Variants in EFR3A observed in about 807,000 individuals in gnomAD.
EFR3A encodes EFR3 homolog A.
Under a neutral mutation model 104.4 loss-of-function variants are expected in EFR3A, and 76 were observed. That is an observed-to-expected ratio of 0.73 (90% CI 0.60 to 0.88). EFR3A has a LOEUF of 0.88. Ranked by LOEUF, EFR3A falls within the 40% of genes least tolerant of loss-of-function variation. The pLI, the probability that EFR3A is intolerant of heterozygous loss-of-function variation, is 0.00. For synonymous variants in EFR3A, 330 were observed against 330.0 expected (o/e 1.00, Z 0.00); for missense variants, 985 against 1,012.5 (o/e 0.97, Z 0.37).
At position 132,011,720 on chromosome 8, in the gene EFR3A, C is replaced by G. The variant is rs533647809; in HGVS notation, c.*825C>G. 6.6e-6 allele frequency: 1 copy of G among 152,636 alleles called. No homozygotes were observed. The highest frequency in any genetic ancestry group is 2.4e-5 in the African/African-American group (1 of 41,398). 9.5% of individuals were successfully genotyped at this position (152,636 alleles called of 1,614,324 possible). A position where few individuals can be genotyped will look rare whatever the true frequency, so the allele number is the denominator to read the frequency against. The stretch of plus-strand genomic sequence containing the variant: ...AATTAAATGAGATATATATTTAGTG[C>G]AGAAAAAAGACATTTAAAACAGCTA... On this transcript the variant is annotated 3_prime_UTR_variant, in exon 23 of 23. Transcript: ENST00000254624.
At chr8:132,006,870 C>T (rs1321100018) in intron 22 of EFR3A, among the ~76,000 whole-genome samples, 1 of 151,896 alleles carries the variant, frequency 6.6e-6, no homozygotes, top group Non-Finnish European at 1.5e-5. Flanking sequence ...ATTGATCAGT[C>T]AGCAAAATTC....
At chr8:131,932,000 C>T (rs1443362187) in intron 1 of EFR3A, among the ~76,000 whole-genome samples, 5 of 152,052 alleles carry the variant, frequency 3.3e-5, no homozygotes, top group Admixed American at 6.6e-5. Context: ...GATAGCACCC[C>T]CCAGCCACTC....
chr8:131,978,754 T>C (rs1820442000), intron 12 of EFR3A, 93 bp from the exon 13 acceptor site: 5 of 1,004,086 alleles, frequency 5.0e-6, no homozygotes, highest in Non-Finnish European at 5.4e-6. Flanking sequence ...CATATTTTCT[T>C]TCCTAAGTTT....
intron 10 of EFR3A, among the ~76,000 whole-genome samples, chr8:131,971,191 A>T (rs1324638444): frequency 1.3e-5 from 2 of 152,162 alleles, no homozygotes; most frequent in African/African-American, 4.8e-5. Context: ...CAGTTTTATC[A>T]GTTGACCCAA....
chr8:131,986,283 TA>T, intron 17 of EFR3A, 22 bp downstream of exon 17: 1 of 1,332,448 alleles, frequency 7.5e-7, no homozygotes, highest in Non-Finnish European at 1.1e-6. Flanking sequence ...CTTTACATTT[TA>T]AGGATGGGGT....
intron 5 of EFR3A, 82 bp downstream of exon 5, chr8:131,950,172 G>C (rs1818630074): frequency 7.3e-7 from 1 of 1,376,762 alleles, no homozygotes; most frequent in Admixed American, 2.3e-5. Context: ...ATGATTACCA[G>C]AGGAAACAAT....
rs935208088 is a variant in EFR3A, at chr8:131,987,575, G to A, written c.1938G>A (p.Met646Ile). ...LPEHIFRDKC[M>I]LPKSLEKHEK... is the part of the protein sequence containing the mutation. The stretch of plus-strand genomic sequence containing the variant: ...ATTGTTGTTTTGATGAACTTCGCAG[G>A]CTTCCAAAATCTTTAGAGAAGCATG... Residue 646 changes from methionine to isoleucine, a missense_variant and splice_region_variant, in exon 18 of 23, where the codon ATG becomes ATA. By Grantham distance (10) the Met-to-Ile change is conservative. Coordinates refer to ENST00000254624, the MANE Select transcript of EFR3A (RefSeq NM_015137.6). 17 of 1,589,898 alleles carry A rather than the reference G, an allele frequency of 1.1e-5. No homozygotes were observed. Among genetic ancestry groups the A allele is most frequent in the Admixed American group, 1.8e-5 (1 of 55,786 alleles).
chr8:131,987,839 G>A (rs987169381), intron 18 of EFR3A, 137 bp downstream of exon 18: 1 of 885,794 alleles, frequency 1.1e-6, no homozygotes, highest in East Asian at 3.0e-5. Context: ...ATGCTTAAGA[G>A]TATTTACTTC....
At position 131,970,565 on chromosome 8, in the gene EFR3A, G is replaced by T; in HGVS notation, c.1081G>T (p.Val361Leu). The T allele has an allele frequency of 6.2e-7, 1 of 1,613,826 alleles. No homozygotes were observed. Residue 361 changes from valine (V) to leucine (L), a missense_variant, in exon 10 of 23, where the codon GTA becomes TTA. Coordinates refer to ENST00000254624, the MANE Select transcript of EFR3A (RefSeq NM_015137.6). ...AGCAAATGATTTACAGGGGGGATCTGTAGGCAGTGTCAACTTAAATACAAG... is the reference window on the plus strand; with the variant it reads ...AGCAAATGATTTACAGGGGGGATCTTTAGGCAGTGTCAACTTAAATACAAG... The part of the protein sequence containing the change: ...FEANDLQGGS[V>L]GSVNLNTSSK...
At chr8:131,923,694 C>T (rs761181534) in intron 1 of EFR3A, among the ~76,000 whole-genome samples, 8 of 151,936 alleles carry the variant, frequency 5.3e-5, no homozygotes, top group Middle Eastern at 3.2e-3. Flanking sequence ...TCAGAAGGAA[C>T]GTATCAAAAT....
intron 19 of EFR3A, among the ~76,000 whole-genome samples, chr8:131,998,002 C>G (rs1347797702): frequency 1.3e-5 from 2 of 151,914 alleles, no homozygotes; most frequent in Non-Finnish European, 2.9e-5. Flanking sequence ...TTTACAAGAT[C>G]CTGTTGTTTT....
chr8:131,948,434 G>C (rs1477953018), intron 4 of EFR3A, among the ~76,000 whole-genome samples: 2 of 152,110 alleles, frequency 1.3e-5, no homozygotes, highest in African/African-American at 4.8e-5. Flanking sequence ...TAGTAAGAGC[G>C]TTAAATAAAC....
At chr8:131,987,518 CTTATTTTTGCTCAGTAAT>C (rs1820946684) in intron 17 of EFR3A, 39 bp from the exon 18 acceptor site, 2 of 1,518,446 alleles carry the variant, frequency 1.3e-6, no homozygotes, top group African/African-American at 2.8e-5. Flanking sequence ...TGCATAGTAA[CTTATTTTTGCTCAGTAAT>C]TTAATACTGA....
At chr8:131,963,973 C>T (rs1391530261) in intron 8 of EFR3A, among the ~76,000 whole-genome samples, 3 of 152,166 alleles carry the variant, frequency 2.0e-5, no homozygotes, top group Admixed American at 2.0e-4. Flanking sequence ...ACAAAAACCG[C>T]ATGATTATCT....
At chr8:131,920,545 C>T (rs1038166101) in intron 1 of EFR3A, among the ~76,000 whole-genome samples, 1 of 152,168 alleles carries the variant, frequency 6.6e-6, no homozygotes, top group African/African-American at 2.4e-5. Context: ...GATTCTCAAG[C>T]AGGATGTCGC....
chr8:131,917,647 T>C (rs1286097120), intron 1 of EFR3A, among the ~76,000 whole-genome samples: 1 of 152,244 alleles, frequency 6.6e-6, no homozygotes, highest in African/African-American at 2.4e-5. Flanking sequence ...TAATGTTCTA[T>C]TGATTCTTTT....
At position 132,002,653 on chromosome 8, in the gene EFR3A, G is replaced by A; in HGVS notation, c.2257G>A (p.Glu753Lys). The change falls in exon 21 of 23, where the codon GAG becomes AAG. Residue 753 changes from glutamate (E) to lysine (K), a missense_variant. By Grantham distance (56) the Glu-to-Lys change is moderately conservative (BLOSUM62 1). Coordinates refer to ENST00000254624, the MANE Select transcript of EFR3A (RefSeq NM_015137.6). The stretch of plus-strand genomic sequence containing the variant: ...AAAGGAAAAGAGGCGTCTTGTGATA[G>A]AGAAATTTCAGAAAGCACCTTTTGA... ...QEKEKRRLVIEKFQKAPFEEI... is the reference protein window; with the variant it reads ...QEKEKRRLVIKKFQKAPFEEI... The A allele has an allele frequency of 6.2e-7, 1 of 1,613,796 alleles. No homozygotes were observed. The highest frequency in any genetic ancestry group is 8.5e-7 in the Non-Finnish European group (1 of 1,179,748).
At chr8:131,990,300 G>A (rs1821107845) in intron 18 of EFR3A, among the ~76,000 whole-genome samples, 1 of 152,162 alleles carries the variant, frequency 6.6e-6, no homozygotes, top group Non-Finnish European at 1.5e-5. Flanking sequence ...TGACTATTCA[G>A]CTATTATTAG....
At chr8:131,993,333 T>C (rs950514307) in intron 18 of EFR3A, among the ~76,000 whole-genome samples, 2 of 152,204 alleles carry the variant, frequency 1.3e-5, no homozygotes, top group African/African-American at 4.8e-5. Context: ...TACCACTGTC[T>C]GGCACATTAC....
Sources: gnomAD v4.1 joint callset for allele counts (sites outside exome capture counted in the v4.1 genomes callset) on GRCh38, gnomAD v4.1.1 for gene constraint, MANE v1.5 for transcripts, NCBI Gene and HGNC (gene_info 2026-07-23, HGNC 2026-07-21) for gene names.